Variants in NTN1 observed in about 807,000 individuals in gnomAD.
NTN1 encodes netrin 1.
NTN1 carries 11 observed loss-of-function variants against 54.2 expected under a neutral mutation model. The ratio of observed to expected loss-of-function variants is 0.20; its 90% CI spans 0.13 to 0.34. The LOEUF (loss-of-function observed/expected upper bound fraction) is 0.34. Among genes scored for constraint, NTN1 ranks in the 10% least tolerant of loss-of-function variants. The pLI is 1.00. For synonymous variants in NTN1, 371 were observed against 382.0 expected, an observed-to-expected ratio of 0.97 and a Z score of 0.33; for missense variants, 740 against 893.1, an observed-to-expected ratio of 0.83 and a Z score of 2.18.
chr17:9,080,629 A>G (rs2092067493), intron 2 of NTN1, among the ~76,000 whole-genome samples: 2 of 152,186 alleles, frequency 1.3e-5, no homozygotes, highest in Admixed American at 6.5e-5. Context: ...TAGCTTCAGG[A>G]TGGAGGATGG....
chr17:9,149,025 T>C (rs2092320692), intron 2 of NTN1, among the ~76,000 whole-genome samples: 1 of 152,106 alleles, frequency 6.6e-6, no homozygotes, highest in Non-Finnish European at 1.5e-5. Flanking sequence ...CTGCAAGTCA[T>C]TAAGCCTCCC....
At chr17:9,044,277 C>T (rs1049375041) in intron 2 of NTN1, among the ~76,000 whole-genome samples, 10 of 151,672 alleles carry the variant, frequency 6.6e-5, no homozygotes, top group African/African-American at 2.4e-4. Flanking sequence ...CTCTGCGGCC[C>T]AGGCTGGAGT....
chr17:9,022,509 G>T lies in NTN1; in HGVS notation c.136G>T (p.Gly46Cys). ...AQPDPCSDENGHPRRCIPDFV... is the reference protein window; with the variant it reads ...AQPDPCSDENCHPRRCIPDFV... Reference sequence around the variant, plus strand: ...GCCCGATCCCTGCTCGGACGAGAACGGCCACCCGCGCCGCTGCATCCCGGA... The same window carrying T: ...GCCCGATCCCTGCTCGGACGAGAACTGCCACCCGCGCCGCTGCATCCCGGA... Residue 46 changes from glycine (G) to cysteine (C), a missense_variant, in exon 2 of 7, where the codon GGC becomes TGC. Physicochemically the swap from Gly to Cys is radical, Grantham distance 159. Transcript: ENST00000173229. The T allele has an allele frequency of 6.5e-7, 1 of 1,546,268 alleles. No individual in the cohort carries two copies.
intron 2 of NTN1, among the ~76,000 whole-genome samples, chr17:9,141,280 C>T (rs982697547): frequency 3.3e-5 from 5 of 151,124 alleles, no homozygotes; most frequent in South Asian, 4.2e-4. Context: ...GCTGGAAGAA[C>T]GCCAGCTTTA....
chr17:9,144,927 C>G (rs1447228140), intron 2 of NTN1, among the ~76,000 whole-genome samples: 1 of 152,196 alleles, frequency 6.6e-6, no homozygotes, highest in African/African-American at 2.4e-5. Context: ...GAGAGGCACA[C>G]TTGAGGAGGC....
At chr17:9,057,152 G>A (rs954346910) in intron 2 of NTN1, among the ~76,000 whole-genome samples, 9 of 149,128 alleles carry the variant, frequency 6.0e-5, no homozygotes, top group South Asian at 4.3e-4. Flanking sequence ...ACCCCGCAGA[G>A]CCCTGTCCTC....
chr17:9,194,454 A>G (rs973641142), intron 5 of NTN1, among the ~76,000 whole-genome samples: 49 of 152,206 alleles, frequency 3.2e-4, no homozygotes, highest in African/African-American at 1.2e-3. Flanking sequence ...TGGTGGGGTC[A>G]GAGGGTGTGG....
upstream of NTN1, among the ~76,000 whole-genome samples, chr17:9,018,623 T>TAA (rs57153983): frequency 2.7e-5 from 3 of 112,474 alleles, no homozygotes; most frequent in Admixed American, 9.3e-5. Flanking sequence ...GACTCCATCT[T>TAA]AAAAAAAAAA....
chr17:9,181,517 C>A (rs1320277891), intron 4 of NTN1, among the ~76,000 whole-genome samples: 1 of 152,186 alleles, frequency 6.6e-6, no homozygotes, highest in African/African-American at 2.4e-5. Flanking sequence ...CCTAATAACC[C>A]ATTGTGACAG....
intron 2 of NTN1, among the ~76,000 whole-genome samples, chr17:9,108,383 T>G (rs1252644079): frequency 6.6e-6 from 1 of 152,086 alleles, no homozygotes; most frequent in Non-Finnish European, 1.5e-5. Flanking sequence ...CCCTACTGCT[T>G]CACATCAAAG....
At chr17:9,038,038 C>T (rs2091908416) in intron 2 of NTN1, among the ~76,000 whole-genome samples, 1 of 152,142 alleles carries the variant, frequency 6.6e-6, no homozygotes, top group African/African-American at 2.4e-5. Flanking sequence ...AGTGGGTACA[C>T]AGCTTATAGC....
At chr17:9,148,355 T>C (rs1237901413) in intron 2 of NTN1, among the ~76,000 whole-genome samples, 1 of 152,220 alleles carries the variant, frequency 6.6e-6, no homozygotes, top group East Asian at 1.9e-4. Flanking sequence ...AACAGGACTC[T>C]TCTCTCCTAG....
At chr17:9,216,981 G>A (rs960411359) in intron 5 of NTN1, among the ~76,000 whole-genome samples, 9 of 151,864 alleles carry the variant, frequency 5.9e-5, no homozygotes, top group African/African-American at 2.2e-4. Context: ...AGCGAAGGTT[G>A]CAGTGAGCCG....
At chr17:9,236,129 G>A (rs111588656) in intron 6 of NTN1, among the ~76,000 whole-genome samples, 2 of 149,092 alleles carry the variant, frequency 1.3e-5, no homozygotes, top group African/African-American at 5.0e-5. Context: ...GAATTTGGGG[G>A]GGGGGGTACT....
chr17:9,058,984 C>T (rs2091987947), intron 2 of NTN1, among the ~76,000 whole-genome samples: 1 of 152,114 alleles, frequency 6.6e-6, no homozygotes, highest in Admixed American at 6.5e-5. Flanking sequence ...ATTTCAGAGT[C>T]CTCCTTTCAA....
intron 2 of NTN1, among the ~76,000 whole-genome samples, chr17:9,075,877 G>C (rs1245049263): frequency 6.6e-6 from 1 of 152,230 alleles, no homozygotes; most frequent in African/African-American, 2.4e-5. Flanking sequence ...CTTTCATTTA[G>C]CTGACAGAAT....
At position 9,239,710 on chromosome 17, in the gene NTN1, C is replaced by A; in HGVS notation, c.1557C>A (p.Ser519=). 6.2e-7 allele frequency: 1 copy of A among 1,613,532 alleles called. No individual in the cohort carries two copies. Among genetic ancestry groups the A allele is most frequent in the Non-Finnish European group, 8.5e-7 (1 of 1,179,924 alleles). The change falls in exon 7 of 7, where the codon TCC becomes TCA. Residue 519 remains serine, a synonymous_variant. Transcript: ENST00000173229. The surrounding 1 kb of genome is among the most constrained non-coding windows in gnomAD (Gnocchi z 5.2). ...GGAAGTTCACGGTGAACATCATCTC[C>A]GTGTATAAGCAGGGCACGAGCCGCA... is the stretch of plus-strand genomic sequence containing the variant. The part of the protein sequence containing the change: ...DWWKFTVNII[S]VYKQGTSRIR...
At chr17:9,026,273 A>G (rs544758959) in intron 2 of NTN1, among the ~76,000 whole-genome samples, 4 of 151,606 alleles carry the variant, frequency 2.6e-5, no homozygotes, top group African/African-American at 9.7e-5. Context: ...CATATCCTAT[A>G]TGTTTTCTTT....
intron 6 of NTN1, among the ~76,000 whole-genome samples, chr17:9,238,423 G>C (rs982598880): frequency 3.3e-5 from 5 of 152,126 alleles, no homozygotes; most frequent in Non-Finnish European, 7.4e-5. Context: ...AAGACAGTGC[G>C]GGGCAGGGGA....
Sources: gnomAD v4.1 joint callset for allele counts (sites outside exome capture counted in the v4.1 genomes callset) on GRCh38, gnomAD v4.1.1 for gene constraint, Gnocchi (gnomAD v3.1) non-coding constraint, MANE v1.5 for transcripts, NCBI Gene and HGNC (gene_info 2026-07-23, HGNC 2026-07-21) for gene names.